SDK1: variants seen among roughly 807,000 people sequenced by gnomAD.
SDK1 encodes the protein sidekick cell adhesion molecule 1, also known as protein sidekick-1.
A neutral mutation model predicts 245.5 loss-of-function variants in SDK1; 157 were observed. The ratio of observed to expected loss-of-function variants is 0.64; its 90% CI spans 0.56 to 0.73. The LOEUF is 0.73. Among genes scored for constraint, SDK1 ranks in the 30% least tolerant of loss-of-function variants. The pLI, the probability that SDK1 is intolerant of heterozygous loss-of-function variation, is 0.00. For synonymous variants in SDK1, 1,647 were observed against 1,278.5 expected (o/e 1.29, Z -6.15); for missense variants, 3,583 against 3,002.3 (o/e 1.19, Z -4.52).
intron 1 of SDK1, among the ~76,000 whole-genome samples, chr7:3,492,700 T>C (rs1781900933): frequency 6.6e-6 from 1 of 152,186 alleles, no homozygotes; most frequent in South Asian, 2.1e-4. Flanking sequence ...ATGCTCTCTC[T>C]GTTACATAAC....
chr7:3,401,124 C>T (rs1412206963), intron 1 of SDK1, among the ~76,000 whole-genome samples: 4 of 152,152 alleles, frequency 2.6e-5, no homozygotes, highest in Admixed American at 2.0e-4. Context: ...AGGGAGCTGT[C>T]ATTGTGAGTC....
At chr7:3,975,397 AG>A (rs1265310075) in intron 13 of SDK1, among the ~76,000 whole-genome samples, 1 of 152,158 alleles carries the variant, frequency 6.6e-6, no homozygotes, top group Non-Finnish European at 1.5e-5. Context: ...CTTTCGACAA[AG>A]GCAATCTTGA....
intron 4 of SDK1, among the ~76,000 whole-genome samples, chr7:3,784,994 CTT>C (rs1780854978): frequency 6.6e-6 from 1 of 152,178 alleles, no homozygotes; most frequent in Non-Finnish European, 1.5e-5. Context: ...AAACGTGGTA[CTT>C]ACACGTAATG....
chr7:4,019,086 C>T (rs191830968), intron 17 of SDK1, among the ~76,000 whole-genome samples: 1 of 152,156 alleles, frequency 6.6e-6, no homozygotes, highest in Non-Finnish European at 1.5e-5. Context: ...TTCTGTACAA[C>T]AGGGCTGGGT....
chr7:3,964,117 C>T (rs1431438419), intron 9 of SDK1, among the ~76,000 whole-genome samples: 1 of 152,246 alleles, frequency 6.6e-6, no homozygotes, highest in African/African-American at 2.4e-5. Flanking sequence ...CCAAAATTTG[C>T]TCCATGTACT....
At chr7:3,370,701 G>A (rs1583757500) in intron 1 of SDK1, among the ~76,000 whole-genome samples, 1 of 152,286 alleles carries the variant, frequency 6.6e-6, no homozygotes, top group East Asian at 1.9e-4. Context: ...GAATGGTCTT[G>A]GACTATATAG....
chr7:3,405,935 C>T (rs1413537513), intron 1 of SDK1, among the ~76,000 whole-genome samples: 2 of 151,350 alleles, frequency 1.3e-5, no homozygotes, highest in African/African-American at 2.4e-5. Context: ...GCATCAGCCT[C>T]CTGAGTAGGT....
chr7:3,508,861 TGGATAAATGAAG>T (rs1782482198), intron 1 of SDK1, among the ~76,000 whole-genome samples: 2 of 152,170 alleles, frequency 1.3e-5, no homozygotes, highest in African/African-American at 4.8e-5. Flanking sequence ...TATTTGGGGA[TGGATAAATGAAG>T]GAATGAATGA....
chr7:3,831,142 A>G (rs1157172296), intron 5 of SDK1, among the ~76,000 whole-genome samples: 3 of 152,222 alleles, frequency 2.0e-5, no homozygotes, highest in Non-Finnish European at 4.4e-5. Context: ...ACATACATCC[A>G]TTACACAGCT....
Position 3,360,456 on chromosome 7 carries a change from A to G in SDK1, c.298+58572A>G, listed in dbSNP as rs1293162231. Among the ~76,000 whole-genome samples, 3 of 152,212 alleles carry G rather than the reference A, an allele frequency of 2.0e-5. No individual in the cohort carries two copies. The South Asian group carries it at 6.2e-4, about 32-fold the overall frequency. On this transcript the variant is annotated intron_variant, in intron 1 of 44. Transcript: ENST00000404826. ...GTCCCACTCAGATGCCAGGCTTATA[A>G]TGTTATTGAAGTGTTACATGAATTT...
At chr7:3,849,844 G>C (rs1028827865) in intron 5 of SDK1, among the ~76,000 whole-genome samples, 3 of 152,188 alleles carry the variant, frequency 2.0e-5, no homozygotes, top group Non-Finnish European at 4.4e-5. Flanking sequence ...CAAAGCTCAC[G>C]TGGAGAGTTT....
At position 3,579,966 on chromosome 7, in the gene SDK1, A is replaced by G. The variant is rs112794397; in HGVS notation, c.299-39114A>G. 3.4e-4 allele frequency among the ~76,000 whole-genome samples: 52 copies of G among 152,330 alleles called. 1 individual carries two copies. The highest frequency in any genetic ancestry group is 1.1e-3 in the African/African-American group (44 of 41,570). ...AAGTTTCAGGATACAAAATCGGTGT[A>G]TGAAAATCATTAGCATTCCTATACA... On this transcript the variant is annotated intron_variant, in intron 1 of 44. Transcript: ENST00000404826.
At chr7:3,346,107 G>T (rs185842153) in intron 1 of SDK1, among the ~76,000 whole-genome samples, 47 of 152,212 alleles carry the variant, frequency 3.1e-4, no homozygotes, top group African/African-American at 9.7e-4. Context: ...TTGTGATACT[G>T]CATCCTCTTC....
chr7:3,800,370 C>CTTACTTATTTATTTATTTATTTAT (rs1554263702), intron 4 of SDK1, among the ~76,000 whole-genome samples: 27 of 148,994 alleles, frequency 1.8e-4, no homozygotes, highest in African/African-American at 6.5e-4. Flanking sequence ...TACTTACTTA[C>CTTACTTATTTATTTATTTATTTAT]TTATTTATTT....
intron 38 of SDK1, among the ~76,000 whole-genome samples, chr7:4,211,450 C>T (rs1039016280): frequency 6.6e-6 from 1 of 151,878 alleles, no homozygotes; most frequent in Non-Finnish European, 1.5e-5. Flanking sequence ...GGGAGGAGGG[C>T]TCAGATCAGG....
Position 4,178,602 on chromosome 7 carries a change from C to G in SDK1, c.5098+16C>G, listed in dbSNP as rs1273156166. The G allele has an allele frequency of 6.3e-7, 1 of 1,583,742 alleles. No individual in the cohort carries two copies. The highest frequency in any genetic ancestry group is 8.6e-7 in the Non-Finnish European group (1 of 1,158,316). ...GGCGAGGCTGGTAAGCTCCGTGCAC[C>G]CCCAACCCCACTGCCAGAGAGGGCC... On this transcript the variant is annotated intron_variant, in intron 35 of 44. Transcript: ENST00000404826.
chr7:4,025,901 A>G (rs1418991344), intron 17 of SDK1, among the ~76,000 whole-genome samples: 2 of 151,940 alleles, frequency 1.3e-5, no homozygotes, highest in East Asian at 1.9e-4. Context: ...TCCAACAGCA[A>G]CCCTTCCTGG....
At position 3,752,796 on chromosome 7, in the gene SDK1, G is replaced by A. The variant is rs527376584; in HGVS notation, c.714-68654G>A. The stretch of plus-strand genomic sequence containing the variant: ...ATTGGGAAACAATTGTGTAGTAAAT[G>A]CTTATTTGTTATTTCTCTCTATAGT... On this transcript the variant is annotated intron_variant, in intron 4 of 44. Coordinates refer to ENST00000404826, the MANE Select transcript of SDK1 (RefSeq NM_152744.4). 3.3e-5 allele frequency among the ~76,000 whole-genome samples: 5 copies of A among 152,216 alleles called. No homozygotes were observed. In the South Asian group the frequency reaches 6.2e-4, roughly 19 times the overall value.
At chr7:3,772,713 AT>A (rs1347626524) in intron 4 of SDK1, among the ~76,000 whole-genome samples, 7 of 152,144 alleles carry the variant, frequency 4.6e-5, no homozygotes, top group African/African-American at 1.7e-4. Context: ...GTATCTTTTC[AT>A]TTCATTCAGA....
Sources: allele counts gnomAD v4.1 joint callset (sites outside exome capture counted in the v4.1 genomes callset), GRCh38; gene constraint gnomAD v4.1.1; transcripts MANE v1.5; gene names NCBI Gene and HGNC (gene_info 2026-07-23, HGNC 2026-07-21).